PPFIBP2: variants seen among roughly 807,000 people sequenced by gnomAD.
The protein encoded by PPFIBP2 is liprin-beta-2.
In PPFIBP2, 118 loss-of-function variants were observed where a neutral mutation model predicts 118.3. That is an observed-to-expected ratio of 1.00 (90% confidence interval 0.86 to 1.16). The LOEUF (loss-of-function observed/expected upper bound fraction) is 1.16. Among genes scored for constraint, PPFIBP2 ranks in the 50% most tolerant of loss-of-function variants. PPFIBP2 has a pLI of 0.00. For missense variants in PPFIBP2, 1,195 were observed against 1,073.1 expected (o/e 1.11, Z -1.59); for synonymous variants, 414 against 397.4 (o/e 1.04, Z -0.50).
chr11:7,653,139 TCTACAGTGGCTACCGGGGCCTCAGCC>T lies in PPFIBP2; in HGVS notation c.2554_2579del (p.Tyr852ProfsTer2), dbSNP rs1399561191. On this transcript the variant is annotated frameshift_variant, in exon 24 of 24. Coordinates refer to ENST00000299492, the MANE Select transcript of PPFIBP2 (RefSeq NM_003621.5). LOFTEE classifies it high-confidence loss of function. ...GACGGTGTCAGTGATAGTCACAGGG[TCTACAGTGGCTACCGGGGCCTCAGCC>T]CCCTTGATGCCCCTGAACTGGATGG... is the stretch of plus-strand genomic sequence containing the variant. 6.2e-7 allele frequency: 1 copy of T among 1,614,076 alleles called. No homozygotes were observed. The highest frequency in any genetic ancestry group is 8.5e-7 in the Non-Finnish European group (1 of 1,180,036).
chr11:7,616,248 C>T lies in PPFIBP2; in HGVS notation c.619-4687C>T, dbSNP rs759574045. Among the ~76,000 whole-genome samples, 1 of 152,142 alleles carries T rather than the reference C, an allele frequency of 6.6e-6. No homozygotes were observed. Among genetic ancestry groups the T allele is most frequent in the Non-Finnish European group, 1.5e-5 (1 of 68,022 alleles). Reference sequence around the variant, plus strand: ...GATACAAAAAATTTAGGACAATAGTCCCCCAAAGTGCTTGCTATAAGTTAA... The same window carrying T: ...GATACAAAAAATTTAGGACAATAGTTCCCCAAAGTGCTTGCTATAAGTTAA... On this transcript the variant is annotated intron_variant, in intron 6 of 23. Transcript: ENST00000299492. The surrounding 1 kb of genome is among the most constrained non-coding windows in gnomAD (Gnocchi z 5.2).
intron 3 of PPFIBP2, among the ~76,000 whole-genome samples, chr11:7,587,671 G>C (rs530043006): frequency 1.5e-4 from 23 of 152,328 alleles, no homozygotes; most frequent in African/African-American, 5.3e-4. Flanking sequence ...CTGCAAACCA[G>C]CTTTTTCCAC....
chr11:7,571,430 A>AAAG (rs5789528), intron 3 of PPFIBP2, among the ~76,000 whole-genome samples: 197 of 151,224 alleles, frequency 1.3e-3, no homozygotes, highest in African/African-American at 4.3e-3. Context: ...CAAAAAAAAA[A>AAAG]GTGGAGAGAA....
intron 3 of PPFIBP2, among the ~76,000 whole-genome samples, chr11:7,580,421 A>G (rs922948892): frequency 6.6e-6 from 1 of 152,228 alleles, no homozygotes; most frequent in Admixed American, 6.5e-5. Flanking sequence ...TACAGAGGGC[A>G]TAGATTCTGG....
chr11:7,529,136 T>A (rs2134323263), intron 1 of PPFIBP2, among the ~76,000 whole-genome samples: 1 of 152,098 alleles, frequency 6.6e-6, no homozygotes, highest in Middle Eastern at 3.4e-3. Flanking sequence ...TGACGCAGGA[T>A]TTCATGTTAA....
Position 7,653,059 on chromosome 11 carries a change from A to C in PPFIBP2, c.2472A>C (p.Ile824=). 6.2e-7 allele frequency: 1 copy of C among 1,613,078 alleles called. No individual in the cohort carries two copies. The highest frequency in any genetic ancestry group is 8.5e-7 in the Non-Finnish European group (1 of 1,179,282). ...RKLGFSHFGN[I]RKKKFDESTD... is the part of the protein sequence containing the mutation. ...TAGGATTTTCACACTTCGGAAACATAAGAAAAAAGAAGTTCGATGAATCGA... is the reference window on the plus strand; with the variant it reads ...TAGGATTTTCACACTTCGGAAACATCAGAAAAAAGAAGTTCGATGAATCGA... Residue 824 remains isoleucine, a synonymous_variant, in exon 24 of 24, where the codon ATA becomes ATC. Coordinates refer to ENST00000299492, the MANE Select transcript of PPFIBP2 (RefSeq NM_003621.5).
At position 7,653,012 on chromosome 11, in the gene PPFIBP2, T is replaced by A. The variant is rs767601852; in HGVS notation, c.2437-12T>A. 1.5e-5 allele frequency: 24 copies of A among 1,599,906 alleles called. No individual in the cohort carries two copies. Among genetic ancestry groups the A allele is most frequent in the Non-Finnish European group, 2.1e-5 (24 of 1,170,452 alleles). The stretch of plus-strand genomic sequence containing the variant: ...ATTGCCTTCTCATAATCTTGCATTT[T>A]CTGTGTTTTAGCCAAGGAAACTAGG... On this transcript the variant is annotated splice_polypyrimidine_tract_variant and intron_variant, in intron 23 of 23. Transcript: ENST00000299492.
At chr11:7,624,052 C>T (rs1849666077) in intron 7 of PPFIBP2, among the ~76,000 whole-genome samples, 1 of 152,120 alleles carries the variant, frequency 6.6e-6, no homozygotes, top group South Asian at 2.1e-4. Flanking sequence ...GAAACCCTAC[C>T]CCTTGTCATC....
intron 5 of PPFIBP2, among the ~76,000 whole-genome samples, chr11:7,601,412 C>A (rs1182009890): frequency 6.6e-6 from 1 of 152,176 alleles, no homozygotes; most frequent in Admixed American, 6.5e-5. Flanking sequence ...AATAATGTTT[C>A]TGTTTTGCAG....
At chr11:7,607,539 T>C (rs1847542509) in intron 5 of PPFIBP2, among the ~76,000 whole-genome samples, 1 of 152,206 alleles carries the variant, frequency 6.6e-6, no homozygotes, top group African/African-American at 2.4e-5. Flanking sequence ...GGTGTTCAAG[T>C]ACTCAATAGT....
At chr11:7,606,137 G>T in intron 5 of PPFIBP2, 1 of 1,164,724 alleles carries the variant, frequency 8.6e-7, no homozygotes, top group South Asian at 1.8e-5. Flanking sequence ...AGATGCAGAT[G>T]GTCGGGGGGC....
At chr11:7,590,659 A>C (rs1471346242) in intron 3 of PPFIBP2, among the ~76,000 whole-genome samples, 1 of 152,250 alleles carries the variant, frequency 6.6e-6, no homozygotes, top group African/African-American at 2.4e-5. Context: ...TGCTCTGAAC[A>C]GTGCCTGGCA....
chr11:7,589,384 G>T (rs1019610295), intron 3 of PPFIBP2, among the ~76,000 whole-genome samples: 1 of 152,090 alleles, frequency 6.6e-6, no homozygotes. Flanking sequence ...ACAAGGTCAA[G>T]AGATTGAGAC....
intron 5 of PPFIBP2, among the ~76,000 whole-genome samples, chr11:7,602,421 G>A (rs1394716001): frequency 6.6e-6 from 1 of 152,158 alleles, no homozygotes; most frequent in Admixed American, 6.5e-5. Flanking sequence ...GCCTGTGGTG[G>A]CATTTTCTAA....
intron 1 of PPFIBP2, among the ~76,000 whole-genome samples, chr11:7,545,180 G>A (rs796142211): frequency 6.6e-6 from 1 of 152,176 alleles, no homozygotes; most frequent in Non-Finnish European, 1.5e-5. Context: ...TGTAATCCCA[G>A]CACTTTGGGA....
At chr11:7,563,826 G>T (rs994150306) in intron 2 of PPFIBP2, among the ~76,000 whole-genome samples, 1 of 152,100 alleles carries the variant, frequency 6.6e-6, no homozygotes, top group Non-Finnish European at 1.5e-5. Flanking sequence ...CTGAACTTAC[G>T]GAAAGGAGAC....
At position 7,527,851 on chromosome 11, in the gene PPFIBP2, A is replaced by C. The variant is rs11601436; in HGVS notation, c.-37+13730A>C. Among the ~76,000 whole-genome samples, 3 of 151,762 alleles carry C rather than the reference A, an allele frequency of 2.0e-5. No individual in the cohort carries two copies. In the South Asian group the frequency reaches 6.2e-4, roughly 32 times the overall value. ...GGCGGCATGATTTGGCTGGAACTGA[A>C]GAGTAAACGAAGTTAAATAGGGCAC... On this transcript the variant is annotated intron_variant, in intron 1 of 23. Coordinates refer to ENST00000299492, the MANE Select transcript of PPFIBP2 (RefSeq NM_003621.5).
chr11:7,596,105 T>C (rs1860237562), intron 4 of PPFIBP2, among the ~76,000 whole-genome samples: 1 of 152,204 alleles, frequency 6.6e-6, no homozygotes, highest in Non-Finnish European at 1.5e-5. Flanking sequence ...AGCTATAGAA[T>C]GCTAGAGATC....
At chr11:7,565,336 A>G (rs1020877259) in intron 2 of PPFIBP2, among the ~76,000 whole-genome samples, 3 of 152,162 alleles carry the variant, frequency 2.0e-5, no homozygotes, top group Admixed American at 6.5e-5. Context: ...CGCAAGCCAG[A>G]TATTGTGCAC....
Sources: gnomAD v4.1 joint callset for allele counts (sites outside exome capture counted in the v4.1 genomes callset) on GRCh38, gnomAD v4.1.1 for gene constraint, Gnocchi (gnomAD v3.1) non-coding constraint, MANE v1.5 for transcripts, NCBI Gene and HGNC (gene_info 2026-07-23, HGNC 2026-07-21) for gene names.